Variants in TNFSF4 observed in about 807,000 individuals in gnomAD.
The protein encoded by TNFSF4 is TNF superfamily member 4, also known as tumor necrosis factor ligand superfamily member 4.
TNFSF4 carries 4 observed loss-of-function variants against 7.3 expected under a neutral mutation model. That is an observed-to-expected ratio of 0.55 (90% confidence interval 0.27 to 1.25). The LOEUF (loss-of-function observed/expected upper bound fraction) is 1.25, where lower values mean the gene tolerates loss of function less well. Ranked by LOEUF, TNFSF4 falls within the 50% of genes most tolerant of loss-of-function variation. The pLI, the probability that TNFSF4 is intolerant of heterozygous loss-of-function variation, is 0.12. For missense variants in TNFSF4, 181 were observed against 208.8 expected, an observed-to-expected ratio of 0.87 and a Z score of 0.82; for synonymous variants, 76 against 83.7, an observed-to-expected ratio of 0.91 and a Z score of 0.50.
intron 1 of TNFSF4, among the ~76,000 whole-genome samples, chr1:173,206,722 A>G (rs1557887677): frequency 1.3e-5 from 2 of 152,302 alleles, no homozygotes; most frequent in Middle Eastern, 3.4e-3. Flanking sequence ...CAGTGACTCA[A>G]AGCTTCAAAG....
chr1:173,265,753 G>A, the TNFSF4 span, among the ~76,000 whole-genome samples: 2 of 151,862 alleles, frequency 1.3e-5, no homozygotes, highest in Non-Finnish European at 2.9e-5. Context: ...AATTCGACTG[G>A]GAATGATATT....
At chr1:173,444,846 T>C in the TNFSF4 span, among the ~76,000 whole-genome samples, 3 of 152,138 alleles carry the variant, frequency 2.0e-5, no homozygotes, top group African/African-American at 4.8e-5. Context: ...ACAGGAGTGG[T>C]TGCACACTGT....
At chr1:173,218,819 T>C in the TNFSF4 span, among the ~76,000 whole-genome samples, 1 of 152,186 alleles carries the variant, frequency 6.6e-6, no homozygotes, top group African/African-American at 2.4e-5. Context: ...TAACAACTTA[T>C]GTAAGCCATA....
At chr1:173,205,758 TC>T in intron 1 of TNFSF4, 2 of 190,044 alleles carry the variant, frequency 1.1e-5, no homozygotes, top group Non-Finnish European at 2.0e-5. Flanking sequence ...ACCTTACTCT[TC>T]CCCCACACCC....
chr1:173,315,671 T>C, the TNFSF4 span, among the ~76,000 whole-genome samples: 1 of 152,198 alleles, frequency 6.6e-6, no homozygotes, highest in African/African-American at 2.4e-5. Context: ...AAGATACTTC[T>C]GACTTTATGG....
intron 1 of TNFSF4, among the ~76,000 whole-genome samples, chr1:173,204,478 G>A (rs16845607): frequency 0.016 from 2,362 of 152,228 alleles, 162 homozygotes; most frequent in Admixed American, 0.12. Context: ...GAAAGCTGAC[G>A]GCCAAATGGA....
the TNFSF4 span, among the ~76,000 whole-genome samples, chr1:173,406,807 A>G: frequency 6.6e-6 from 1 of 152,152 alleles, no homozygotes; most frequent in Admixed American, 6.5e-5. Context: ...TGATCAAAGT[A>G]GCTGGGACCT....
the TNFSF4 span, among the ~76,000 whole-genome samples, chr1:173,397,497 G>C: frequency 4.6e-4 from 70 of 152,148 alleles, no homozygotes; most frequent in Non-Finnish European, 2.5e-4. Context: ...CTCCAATCAG[G>C]GTAGTGGATT....
At chr1:173,324,188 A>C in the TNFSF4 span, among the ~76,000 whole-genome samples, 1 of 152,188 alleles carries the variant, frequency 6.6e-6, no homozygotes, top group Admixed American at 6.5e-5. Context: ...ACAAGCCAGA[A>C]GGGGCGGGGG....
At position 173,193,768 on chromosome 1, in the gene TNFSF4, C is replaced by CAAAAAAAAAAAAA. The variant is rs34461114; in HGVS notation, c.154-5212_154-5200dup. On this transcript the variant is annotated intron_variant, in intron 1 of 2. Coordinates refer to ENST00000281834, the MANE Select transcript of TNFSF4 (RefSeq NM_003326.5). ...GGTTTCAGGGCTCCCATAAGTGAAG[C>CAAAAAAAAAAAAA]AAAAAAAAAAAAAAAAAGGAACAAT... 2.9e-5 allele frequency among the ~76,000 whole-genome samples: 3 copies of CAAAAAAAAAAAAA among 101,918 alleles called. 1 individual carries two copies. Among genetic ancestry groups the CAAAAAAAAAAAAA allele is most frequent in the Non-Finnish European group, 4.4e-5 (2 of 45,950 alleles). 66.9% of individuals were successfully genotyped at this position (101,918 alleles called of 152,430 possible).
the TNFSF4 span, among the ~76,000 whole-genome samples, chr1:173,349,192 C>G: frequency 6.6e-6 from 1 of 152,120 alleles, no homozygotes; most frequent in African/African-American, 2.4e-5. Context: ...CCACGCCCGG[C>G]TAATTTTTTG....
chr1:173,231,206 G>A, the TNFSF4 span, among the ~76,000 whole-genome samples: 1 of 152,200 alleles, frequency 6.6e-6, no homozygotes, highest in Non-Finnish European at 1.5e-5. Flanking sequence ...GTAAATTACT[G>A]GCAAACCGAA....
At chr1:173,376,692 A>C in the TNFSF4 span, among the ~76,000 whole-genome samples, 1 of 152,246 alleles carries the variant, frequency 6.6e-6, no homozygotes, top group Admixed American at 6.5e-5. Context: ...ACCAATCGGC[A>C]GGACATGGGT....
At chr1:173,337,492 A>G in the TNFSF4 span, among the ~76,000 whole-genome samples, 1 of 152,164 alleles carries the variant, frequency 6.6e-6, no homozygotes, top group Non-Finnish European at 1.5e-5. Context: ...GTCTGTACCT[A>G]TGGCTTCATT....
At chr1:173,365,796 T>C in the TNFSF4 span, among the ~76,000 whole-genome samples, 1,327 of 152,280 alleles carry the variant, frequency 8.7e-3, 13 homozygotes, top group Non-Finnish European at 0.014. Flanking sequence ...AAAATAAATG[T>C]TTTGGGGTAT....
the TNFSF4 span, among the ~76,000 whole-genome samples, chr1:173,370,687 T>C: frequency 6.6e-6 from 1 of 152,136 alleles, no homozygotes; most frequent in Non-Finnish European, 1.5e-5. Flanking sequence ...CCCTGGGCCC[T>C]GAACAAAATC....
intron 1 of TNFSF4, 54 bp downstream of exon 1, chr1:173,206,970 C>T: frequency 6.5e-7 from 1 of 1,535,296 alleles, no homozygotes; most frequent in Admixed American, 1.8e-5. Flanking sequence ...GCAGCTGTTG[C>T]AGCTGCCATC....
the TNFSF4 span, among the ~76,000 whole-genome samples, chr1:173,449,152 C>T: frequency 6.6e-6 from 1 of 152,016 alleles, no homozygotes; most frequent in Non-Finnish European, 1.5e-5. Flanking sequence ...TGGCACCTCC[C>T]CCTACTCCTG....
chr1:173,305,659 C>T, the TNFSF4 span, among the ~76,000 whole-genome samples: 4 of 151,036 alleles, frequency 2.6e-5, no homozygotes, highest in Non-Finnish European at 5.9e-5. Context: ...TTTTATACTG[C>T]TATAAAGATA....
Sources: gnomAD v4.1 joint callset for allele counts (sites outside exome capture counted in the v4.1 genomes callset) on GRCh38, gnomAD v4.1.1 for gene constraint, MANE v1.5 for transcripts, NCBI Gene and HGNC (gene_info 2026-07-23, HGNC 2026-07-21) for gene names.